Variants in ROR2 observed in about 807,000 individuals in gnomAD.
ROR2 encodes tyrosine-protein kinase transmembrane receptor ROR2.
In ROR2, 33 loss-of-function variants were observed where a neutral mutation model predicts 74.9. The ratio of observed to expected loss-of-function variants is 0.44; its 90% CI spans 0.33 to 0.59. The LOEUF is 0.59. Among genes scored for constraint, ROR2 ranks in the 20% least tolerant of loss-of-function variants. The pLI is 0.02. For missense variants in ROR2, 1,216 were observed against 1,313.8 expected (o/e 0.93, Z 1.15); for synonymous variants, 586 against 558.7 (o/e 1.05, Z -0.69).
rs114699349 is a variant in ROR2, at chr9:91,894,128, G to A, written c.97+55739C>T. On this transcript the variant is annotated intron_variant, in intron 1 of 8. Coordinates refer to ENST00000375708, the MANE Select transcript of ROR2 (RefSeq NM_004560.4). Reference sequence around the variant, plus strand: ...GTCCCTGCTCCCCAACTCCAGCCCCGTCACTCTCCCAGCACCCACCTCTAG... The same window carrying A: ...GTCCCTGCTCCCCAACTCCAGCCCCATCACTCTCCCAGCACCCACCTCTAG... Among the ~76,000 whole-genome samples, 852 of 152,142 alleles carry A rather than the reference G, an allele frequency of 5.6e-3. 9 individuals are homozygous for A. The highest frequency in any genetic ancestry group is 0.019 in the African/African-American group (800 of 41,518).
chr9:91,893,524 G>A lies in ROR2; in HGVS notation c.97+56343C>T, dbSNP rs1447820950. Among the ~76,000 whole-genome samples the A allele has an allele frequency of 3.3e-5, 5 of 151,814 alleles. No individual in the cohort carries two copies. The East Asian group carries it at 5.8e-4, about 18-fold the overall frequency. On this transcript the variant is annotated intron_variant, in intron 1 of 8. Coordinates refer to ENST00000375708, the MANE Select transcript of ROR2 (RefSeq NM_004560.4). ...CCCTCCACTGGGGGACACGCCTCAC[G>A]GCAGGCTGGTGACTCTCCCAACAAC...
Position 91,946,473 on chromosome 9 carries a change from A to C in ROR2, c.97+3394T>G, listed in dbSNP as rs200522475. ...GGGGTGTGGAAGAGGAGGAGGAGGG[A>C]GTCCTTCACAGTGTCCCCTCCAGGT... On this transcript the variant is annotated intron_variant, in intron 1 of 8. Coordinates refer to ENST00000375708, the MANE Select transcript of ROR2 (RefSeq NM_004560.4). 5.3e-5 allele frequency among the ~76,000 whole-genome samples: 8 copies of C among 152,338 alleles called. No homozygotes were observed. In the East Asian group the frequency reaches 1.3e-3, roughly 26 times the overall value.
intron 1 of ROR2, among the ~76,000 whole-genome samples, chr9:91,882,643 C>T (rs1407967346): frequency 6.6e-6 from 1 of 152,082 alleles, no homozygotes; most frequent in East Asian, 1.9e-4. Flanking sequence ...AATCCTAACC[C>T]CAGGACCTCA....
intron 3 of ROR2, among the ~76,000 whole-genome samples, chr9:91,756,743 CTT>C (rs557043787): frequency 1.6e-3 from 170 of 104,034 alleles, no homozygotes; most frequent in Middle Eastern, 7.5e-3. Context: ...TTTTTGTTCT[CTT>C]TTTTTTTTTT....
Position 91,757,299 on chromosome 9 carries a change from C to A in ROR2, c.436G>T (p.Ala146Ser). ...VATNGMKTIT[A>S]TGVLFVRLGP... ...AGCCGCACAAACAGGACGCCAGTGG[C>A]GGTAATGGTCTTCATCCCGTTGGTG... The change falls in exon 3 of 9, where the codon GCC (alanine) becomes TCC (serine). Residue 146 changes from alanine to serine, a missense_variant. Physicochemically the swap from Ala to Ser is moderately conservative, Grantham distance 99 (BLOSUM62 1). Coordinates refer to ENST00000375708, the MANE Select transcript of ROR2 (RefSeq NM_004560.4). The A allele has an allele frequency of 6.2e-7, 1 of 1,613,992 alleles. No individual in the cohort carries two copies. The highest frequency in any genetic ancestry group is 1.1e-5 in the South Asian group (1 of 91,052).
intron 1 of ROR2, among the ~76,000 whole-genome samples, chr9:91,937,167 T>C (rs1337965484): frequency 1.3e-5 from 2 of 152,116 alleles, no homozygotes; most frequent in African/African-American, 4.8e-5. Context: ...ATTATAGAAT[T>C]AAACAGAGAC....
Position 91,723,763 on chromosome 9 carries a change from C to A in ROR2, c.2731G>T (p.Glu911Ter). 1 of 1,613,856 alleles carries A rather than the reference C, an allele frequency of 6.2e-7. No homozygotes were observed. Among genetic ancestry groups the A allele is most frequent in the Non-Finnish European group, 8.5e-7 (1 of 1,180,038 alleles). Residue 911 changes from glutamate to a stop codon, truncating the protein, a stop_gained, in exon 9 of 9, where the codon GAA (glutamate) becomes TAA (stop). Coordinates refer to ENST00000375708, the MANE Select transcript of ROR2 (RefSeq NM_004560.4). LOFTEE classifies it high-confidence loss of function. ...GAGCCTTCCTCCTCCTCCTCTGCTT[C>A]CTGCACGGTGCTCTGGGCCCCATCT... ...PEDGAQSTVQ[E>*]AEEEEEGSVP...
chr9:91,814,921 G>A (rs949564087), intron 1 of ROR2, among the ~76,000 whole-genome samples: 3 of 152,162 alleles, frequency 2.0e-5, no homozygotes. Flanking sequence ...GCTTAGAGAA[G>A]CACTCTGGGC....
At chr9:91,840,278 G>A (rs1048198969) in intron 1 of ROR2, among the ~76,000 whole-genome samples, 2 of 152,152 alleles carry the variant, frequency 1.3e-5, no homozygotes, top group Admixed American at 6.5e-5. Flanking sequence ...AACGTTACCC[G>A]TTTCTCTTTC....
intron 1 of ROR2, among the ~76,000 whole-genome samples, chr9:91,939,128 T>A (rs1184288953): frequency 6.6e-6 from 1 of 152,076 alleles, no homozygotes; most frequent in Non-Finnish European, 1.5e-5. Flanking sequence ...CACGTGCCTG[T>A]AGTCCCAGCT....
chr9:91,815,363 AC>A (rs1827891845), intron 1 of ROR2, among the ~76,000 whole-genome samples: 1 of 152,330 alleles, frequency 6.6e-6, no homozygotes, highest in South Asian at 2.1e-4. Flanking sequence ...GAGCAAAGAA[AC>A]CACAGGCATT....
At chr9:91,850,939 A>C (rs1829070090) in intron 1 of ROR2, among the ~76,000 whole-genome samples, 1 of 152,184 alleles carries the variant, frequency 6.6e-6, no homozygotes, top group Non-Finnish European at 1.5e-5. Flanking sequence ...CTGGTATTAA[A>C]ACAGATGTCT....
chr9:91,825,965 G>A lies in ROR2; in HGVS notation c.98-50147C>T, dbSNP rs952383021. ...ACATCAGCTTTGATCCAGCAGGAGT[G>A]TGGGTCTCCTCCTTTCTGGCTCTTA... On this transcript the variant is annotated intron_variant, in intron 1 of 8. Coordinates refer to ENST00000375708, the MANE Select transcript of ROR2 (RefSeq NM_004560.4). Among the ~76,000 whole-genome samples the A allele has an allele frequency of 2.6e-5, 4 of 152,248 alleles. 1 individual carries two copies. Among genetic ancestry groups the A allele is most frequent in the Admixed American group, 2.6e-4 (4 of 15,284 alleles).
intron 1 of ROR2, among the ~76,000 whole-genome samples, chr9:91,857,403 G>A (rs1001220516): frequency 1.1e-4 from 17 of 152,204 alleles, no homozygotes; most frequent in African/African-American, 3.1e-4. Flanking sequence ...CCAGGGCTTC[G>A]GCAGGATTTT....
chr9:91,836,085 C>T (rs1172894740), intron 1 of ROR2, among the ~76,000 whole-genome samples: 1 of 152,218 alleles, frequency 6.6e-6, no homozygotes, highest in Non-Finnish European at 1.5e-5. Context: ...ATTTTAAAAA[C>T]ACACAAAACT....
intron 1 of ROR2, 101 bp downstream of exon 1, chr9:91,949,766 T>C: frequency 1.3e-6 from 1 of 786,078 alleles, no homozygotes; most frequent in South Asian, 1.5e-5. Flanking sequence ...TTCAGGAGCA[T>C]GGGCGCCGGC....
intron 1 of ROR2, among the ~76,000 whole-genome samples, chr9:91,803,756 G>T (rs2119067877): frequency 6.6e-6 from 1 of 152,260 alleles, no homozygotes; most frequent in East Asian, 1.9e-4. Flanking sequence ...CGTACACACA[G>T]ATGTGCCTCC....
chr9:91,749,737 T>C (rs1221567646), intron 4 of ROR2, among the ~76,000 whole-genome samples: 2 of 152,118 alleles, frequency 1.3e-5, no homozygotes, highest in Non-Finnish European at 2.9e-5. Flanking sequence ...ACAGATTAGG[T>C]AATTCATTAG....
intron 2 of ROR2, among the ~76,000 whole-genome samples, chr9:91,759,832 C>T (rs1025018858): frequency 4.6e-5 from 7 of 152,176 alleles, no homozygotes; most frequent in African/African-American, 1.7e-4. Context: ...ACGTTCCAGC[C>T]AGGCCTTGAG....
Sources: allele counts gnomAD v4.1 joint callset (sites outside exome capture counted in the v4.1 genomes callset), GRCh38; gene constraint gnomAD v4.1.1; transcripts MANE v1.5; gene names NCBI Gene and HGNC (gene_info 2026-07-23, HGNC 2026-07-21).